STX2: variants seen among roughly 807,000 people sequenced by gnomAD.
STX2 encodes syntaxin 2.
STX2 carries 27 observed loss-of-function variants against 40.6 expected under a neutral mutation model. That is an observed-to-expected ratio of 0.66 (90% CI 0.49 to 0.92). STX2 has a LOEUF of 0.92. Among genes scored for constraint, STX2 ranks in the 40% least tolerant of loss-of-function variants. STX2 has a pLI of 0.00. For synonymous variants in STX2, 123 were observed against 119.1 expected, an observed-to-expected ratio of 1.03 and a Z score of -0.22; for missense variants, 328 against 366.1, an observed-to-expected ratio of 0.90 and a Z score of 0.85.
chr12:130,827,483 T>C (rs979995703), intron 1 of STX2, among the ~76,000 whole-genome samples: 3 of 152,216 alleles, frequency 2.0e-5, no homozygotes, highest in Non-Finnish European at 4.4e-5. Flanking sequence ...GTGGAAGACC[T>C]GGAGAGAAAC....
intron 3 of STX2, among the ~76,000 whole-genome samples, chr12:130,818,640 A>T (rs967365451): frequency 1.5e-5 from 2 of 136,764 alleles, no homozygotes; most frequent in Admixed American, 1.6e-4. Context: ...AATGCACGGG[A>T]GCAGGCGGCG....
chr12:130,806,873 A>G, intron 6 of STX2, 109 bp downstream of exon 6: 1 of 1,022,886 alleles, frequency 9.8e-7, no homozygotes, highest in East Asian at 2.5e-5. Context: ...GTTTTACACT[A>G]TTGGTGAAAA....
chr12:130,834,480 C>T (rs1952689190), intron 1 of STX2, among the ~76,000 whole-genome samples: 1 of 152,120 alleles, frequency 6.6e-6, no homozygotes, highest in Non-Finnish European at 1.5e-5. Context: ...AGTCCGGAGG[C>T]AGGAGCAAAT....
At chr12:130,820,405 G>A (rs1029275625) in intron 3 of STX2, among the ~76,000 whole-genome samples, 6 of 152,178 alleles carry the variant, frequency 3.9e-5, no homozygotes, top group African/African-American at 1.4e-4. Context: ...GGTGGCTCAT[G>A]CCTGAAATCC....
intron 1 of STX2, 60 bp downstream of exon 1, chr12:130,839,010 G>A (rs916117586): frequency 6.7e-6 from 2 of 297,504 alleles, no homozygotes; most frequent in Non-Finnish European, 9.6e-6. Flanking sequence ...CCGAGCCCCC[G>A]CCCGCCCTCC....
intron 8 of STX2, among the ~76,000 whole-genome samples, chr12:130,799,283 C>A (rs958439515): frequency 2.6e-5 from 4 of 152,204 alleles, no homozygotes; most frequent in African/African-American, 7.2e-5. Flanking sequence ...TGACTATGCA[C>A]ACATTTGCAT....
At chr12:130,813,515 A>T (rs1951736957) in intron 3 of STX2, among the ~76,000 whole-genome samples, 1 of 152,114 alleles carries the variant, frequency 6.6e-6, no homozygotes, top group Admixed American at 6.5e-5. Flanking sequence ...CACAGCCACC[A>T]CTTCAGGGCT....
At chr12:130,799,257 A>G (rs1398111260) in intron 8 of STX2, among the ~76,000 whole-genome samples, 1 of 152,236 alleles carries the variant, frequency 6.6e-6, no homozygotes, top group Non-Finnish European at 1.5e-5. Flanking sequence ...ACAAACTTCA[A>G]CTTACTAGTA....
At chr12:130,821,917 T>C (rs1952131481) in intron 2 of STX2, 129 bp from the exon 3 acceptor site, 1 of 594,490 alleles carries the variant, frequency 1.7e-6, no homozygotes, top group Non-Finnish European at 2.9e-6. Context: ...CCTCTCCCAT[T>C]CTCACACTGG....
intron 4 of STX2, among the ~76,000 whole-genome samples, chr12:130,810,173 T>C (rs1183139423): frequency 1.3e-5 from 2 of 152,238 alleles, no homozygotes; most frequent in African/African-American, 4.8e-5. Context: ...TTGAGTCTGT[T>C]GTGTGTGTAC....
chr12:130,832,125 G>A (rs543950814), intron 1 of STX2, among the ~76,000 whole-genome samples: 22 of 151,784 alleles, frequency 1.4e-4, no homozygotes, highest in South Asian at 4.2e-4. Flanking sequence ...GGTATTACAG[G>A]CATGAGCGAC....
chr12:130,813,098 T>C, intron 3 of STX2, 67 bp from the exon 4 acceptor site: 2 of 987,438 alleles, frequency 2.0e-6, no homozygotes, highest in Non-Finnish European at 2.8e-6. Context: ...ATAAATGATA[T>C]CCAATAAATT....
At chr12:130,805,213 G>C (rs1013826664) in intron 6 of STX2, among the ~76,000 whole-genome samples, 4 of 152,186 alleles carry the variant, frequency 2.6e-5, no homozygotes, top group African/African-American at 9.7e-5. Context: ...ATTTCTGCCA[G>C]GATGGAGCAA....
At chr12:130,836,123 T>C (rs1030227090) in intron 1 of STX2, among the ~76,000 whole-genome samples, 1 of 133,762 alleles carries the variant, frequency 7.5e-6, no homozygotes, top group African/African-American at 2.9e-5. Flanking sequence ...TAAGAACTAC[T>C]GGGAAAGGAC....
chr12:130,809,184 G>A (rs1265876733), intron 4 of STX2, among the ~76,000 whole-genome samples: 1 of 152,052 alleles, frequency 6.6e-6, no homozygotes, highest in East Asian at 1.9e-4. Flanking sequence ...GAGGAAACAT[G>A]TATATGTAGA....
intron 6 of STX2, among the ~76,000 whole-genome samples, chr12:130,805,717 C>G (rs781664140): frequency 4.6e-5 from 7 of 152,330 alleles, no homozygotes; most frequent in South Asian, 2.1e-4. Flanking sequence ...CTAAACCATG[C>G]TCATGTGATT....
At chr12:130,835,883 T>C (rs911279822) in intron 1 of STX2, among the ~76,000 whole-genome samples, 1 of 151,248 alleles carries the variant, frequency 6.6e-6, no homozygotes, top group African/African-American at 2.5e-5. Flanking sequence ...TCAGTACAGA[T>C]TGTATTGAGC....
intron 3 of STX2, among the ~76,000 whole-genome samples, chr12:130,814,943 T>C (rs1951805376): frequency 6.6e-6 from 1 of 152,160 alleles, no homozygotes; most frequent in South Asian, 2.1e-4. Context: ...CCTAAAAAGA[T>C]TATTTTTAAG....
chr12:130,801,800 C>G (rs1951237673), intron 6 of STX2, among the ~76,000 whole-genome samples: 1 of 152,132 alleles, frequency 6.6e-6, no homozygotes, highest in Non-Finnish European at 1.5e-5. Flanking sequence ...AAGAGTTTAA[C>G]TCCGCCTCAT....
Sources: allele counts gnomAD v4.1 joint callset (sites outside exome capture counted in the v4.1 genomes callset), GRCh38; gene constraint gnomAD v4.1.1; transcripts MANE v1.5; gene names NCBI Gene and HGNC (gene_info 2026-07-23, HGNC 2026-07-21).